The following TUNAR variants were observed in gnomAD, a reference collection of about 807,000 sequenced individuals.
The protein encoded by TUNAR is protein TUNAR.
chr14:95,903,499 T>A (rs1890401059), intron 2 of TUNAR, among the ~76,000 whole-genome samples: 1 of 152,242 alleles, frequency 6.6e-6, no homozygotes, highest in Non-Finnish European at 1.5e-5. Context: ...ATGAGCATTG[T>A]TCTGCTCGCA....
chr14:95,879,068 G>A (rs1332619135), intron 2 of TUNAR, among the ~76,000 whole-genome samples: 1 of 152,200 alleles, frequency 6.6e-6, no homozygotes, highest in Admixed American at 6.5e-5. Flanking sequence ...CTTGGCTGCA[G>A]AGGGGCTGGG....
intron 2 of TUNAR, among the ~76,000 whole-genome samples, chr14:95,907,633 C>T (rs1290368936): frequency 6.6e-6 from 1 of 152,176 alleles, no homozygotes; most frequent in African/African-American, 2.4e-5. Context: ...GTTACAACAG[C>T]TCAGAGGAGA....
intron 2 of TUNAR, among the ~76,000 whole-genome samples, chr14:95,881,404 C>T (rs866742200): frequency 1.3e-5 from 2 of 152,154 alleles, no homozygotes; most frequent in African/African-American, 4.8e-5. Context: ...CTGATGTATG[C>T]GACGTCAGTC....
rs558345856 is a variant in TUNAR, at chr14:95,892,773, G to C, written c.12+15596G>C. Among the ~76,000 whole-genome samples the C allele has an allele frequency of 6.9e-4, 105 of 152,360 alleles. 1 individual carries two copies. The South Asian group carries it at 0.021, about 30-fold the overall frequency. ...TCTCTGAGCACCATGCAGGGCTGCT[G>C]TGGGGTTCCATGAGATGATGCATTT... On this transcript the variant is annotated intron_variant, in intron 2 of 2. Coordinates refer to ENST00000678517, the Ensembl canonical transcript of TUNAR.
intron 2 of TUNAR, among the ~76,000 whole-genome samples, chr14:95,890,543 T>G (rs1487135271): frequency 6.6e-6 from 1 of 152,096 alleles, no homozygotes; most frequent in Non-Finnish European, 1.5e-5. Flanking sequence ...CCCTCGAGGC[T>G]GTCACTGAGA....
At chr14:95,889,435 C>G (rs1464983083) in intron 2 of TUNAR, among the ~76,000 whole-genome samples, 1 of 151,662 alleles carries the variant, frequency 6.6e-6, no homozygotes, top group Non-Finnish European at 1.5e-5. Flanking sequence ...GCTTGCCCTT[C>G]CACCTCCACC....
intron 2 of TUNAR, among the ~76,000 whole-genome samples, chr14:95,907,112 T>G (rs1413282331): frequency 6.6e-6 from 1 of 152,210 alleles, no homozygotes; most frequent in Non-Finnish European, 1.5e-5. Flanking sequence ...TCTCTCCAAG[T>G]CCATTCATAG....
At chr14:95,903,839 G>C (rs1159975005) in intron 2 of TUNAR, among the ~76,000 whole-genome samples, 1 of 152,224 alleles carries the variant, frequency 6.6e-6, no homozygotes, top group Non-Finnish European at 1.5e-5. Flanking sequence ...AGCCAGGGCT[G>C]TAGGGCTTCT....
At chr14:95,903,991 T>C (rs1177305984) in intron 2 of TUNAR, among the ~76,000 whole-genome samples, 1 of 152,248 alleles carries the variant, frequency 6.6e-6, no homozygotes, top group Admixed American at 6.5e-5. Flanking sequence ...GCTGTAAGGC[T>C]GGCCCAGGAA....
At position 95,910,254 on chromosome 14, in the gene TUNAR, C is replaced by A. The variant is rs561167858; in HGVS notation, c.13-12527C>A. Reference sequence around the variant, plus strand: ...GGTCTTGGCTGGGCACGGTGGCTCACGCCTGTAATCCCAACATTTGGTGGA... The same window carrying A: ...GGTCTTGGCTGGGCACGGTGGCTCAAGCCTGTAATCCCAACATTTGGTGGA... On this transcript the variant is annotated intron_variant, in intron 2 of 2. Transcript: ENST00000678517. 2.1e-4 allele frequency among the ~76,000 whole-genome samples: 32 copies of A among 152,308 alleles called. 1 individual carries two copies. Among genetic ancestry groups the A allele is most frequent in the African/African-American group, 7.2e-4 (30 of 41,552 alleles).
intron 2 of TUNAR, among the ~76,000 whole-genome samples, chr14:95,908,574 G>A (rs1343353388): frequency 6.6e-6 from 1 of 152,190 alleles, no homozygotes; most frequent in African/African-American, 2.4e-5. Context: ...TTACTCTACT[G>A]TTGGCTCCAT....
chr14:95,891,266 G>A (rs1184004260), intron 2 of TUNAR, among the ~76,000 whole-genome samples: 1 of 152,186 alleles, frequency 6.6e-6, no homozygotes, highest in Non-Finnish European at 1.5e-5. Flanking sequence ...GAGCTTGAGA[G>A]GAACCTTTCA....
intron 2 of TUNAR, among the ~76,000 whole-genome samples, chr14:95,899,934 C>T (rs1414675589): frequency 6.6e-6 from 1 of 152,176 alleles, no homozygotes; most frequent in Non-Finnish European, 1.5e-5. Flanking sequence ...TAACTCATGT[C>T]ACCCTCATCT....
intron 2 of TUNAR, among the ~76,000 whole-genome samples, chr14:95,882,918 T>A (rs1265874381): frequency 6.6e-6 from 1 of 152,260 alleles, no homozygotes; most frequent in South Asian, 2.1e-4. Context: ...TGAATGCCCC[T>A]GAGAGCATCA....
exon 3 of TUNAR, chr14:95,923,665 T>C (rs1041047493): frequency 6.6e-6 from 1 of 152,222 alleles, no homozygotes; most frequent in African/African-American, 2.4e-5. Context: ...AGATGTTCTG[T>C]TGTGGAGCCA....
At chr14:95,903,023 T>G (rs550433867) in intron 2 of TUNAR, among the ~76,000 whole-genome samples, 120 of 152,264 alleles carry the variant, frequency 7.9e-4, no homozygotes, top group Non-Finnish European at 1.5e-3. Context: ...CATGATTGTT[T>G]CCCATTGAAT....
At chr14:95,917,920 G>A (rs74085763) in intron 2 of TUNAR, among the ~76,000 whole-genome samples, 7,090 of 152,130 alleles carry the variant, frequency 0.047, 544 homozygotes, top group African/African-American at 0.16. Flanking sequence ...GAATATTGTT[G>A]TTACTCCAAA....
chr14:95,919,253 G>T (rs1400476653), intron 2 of TUNAR, among the ~76,000 whole-genome samples: 1 of 152,238 alleles, frequency 6.6e-6, no homozygotes, highest in Non-Finnish European at 1.5e-5. Context: ...ATCCACTAAT[G>T]TCAAACGTAT....
chr14:95,878,073 A>G (rs1471064307), intron 2 of TUNAR, among the ~76,000 whole-genome samples: 2 of 152,180 alleles, frequency 1.3e-5, no homozygotes, highest in African/African-American at 4.8e-5. Context: ...CTTGGAGATG[A>G]TTACTTAACC....
Sources: allele counts gnomAD v4.1 joint callset (sites outside exome capture counted in the v4.1 genomes callset), GRCh38; gene constraint gnomAD v4.1.1; transcripts MANE v1.5; gene names NCBI Gene and HGNC (gene_info 2026-07-23, HGNC 2026-07-21).